The following SORCS2 variants were observed in gnomAD, a reference collection of about 807,000 sequenced individuals.
SORCS2 encodes the protein sortilin related VPS10 domain containing receptor 2.
SORCS2 carries 100 observed loss-of-function variants against 141.6 expected under a neutral mutation model. The observed-to-expected ratio is 0.71, with a 90% confidence interval of 0.60 to 0.83. The LOEUF (loss-of-function observed/expected upper bound fraction) is 0.83. Ranked by LOEUF, SORCS2 falls within the 40% of genes least tolerant of loss-of-function variation. The probability of loss-of-function intolerance (pLI) is 0.00; values close to 1 mark genes in which losing one functional copy is unlikely to be tolerated. For synonymous variants in SORCS2, 789 were observed against 676.9 expected (o/e 1.17, Z -2.57); for missense variants, 1,646 against 1,560.2 (o/e 1.05, Z -0.93).
intron 3 of SORCS2, among the ~76,000 whole-genome samples, chr4:7,558,255 A>G (rs912476698): frequency 2.0e-5 from 3 of 152,190 alleles, no homozygotes; most frequent in Non-Finnish European, 4.4e-5. Context: ...GGCACTGTTA[A>G]TATTTGGGGC....
chr4:7,650,757 C>CCAGCG (rs1721393323), intron 4 of SORCS2, among the ~76,000 whole-genome samples: 1 of 146,940 alleles, frequency 6.8e-6, no homozygotes, highest in East Asian at 2.0e-4. Context: ...CCAGCCCAGC[C>CCAGCG]CAGCCCAGCC....
chr4:7,233,608 C>T lies in SORCS2; in HGVS notation c.480+40482C>T, dbSNP rs1358708598. 6.6e-5 allele frequency among the ~76,000 whole-genome samples: 10 copies of T among 152,246 alleles called. No individual in the cohort carries two copies. The highest frequency in any genetic ancestry group is 3.4e-3 in the Middle Eastern group (1 of 294). Reference sequence around the variant, plus strand: ...ACTCAGGAATGAGGCTGGCGGTCACCGTGGAGTGCAGCGCTTCTCAGGTGG... The same window carrying T: ...ACTCAGGAATGAGGCTGGCGGTCACTGTGGAGTGCAGCGCTTCTCAGGTGG... On this transcript the variant is annotated intron_variant, in intron 1 of 26. Transcript: ENST00000507866. The surrounding 1 kb of genome is among the most constrained non-coding windows in gnomAD (Gnocchi z 4.5).
chr4:7,210,239 C>CCTCTGTGT (rs1273932855), intron 1 of SORCS2, among the ~76,000 whole-genome samples: 2 of 152,152 alleles, frequency 1.3e-5, no homozygotes, highest in Non-Finnish European at 2.9e-5. Flanking sequence ...CCACTCACTT[C>CCTCTGTGT]CTCTGTGTGC....
At chr4:7,264,224 C>G (rs1482685716) in intron 1 of SORCS2, among the ~76,000 whole-genome samples, 1 of 152,208 alleles carries the variant, frequency 6.6e-6, no homozygotes, top group East Asian at 1.9e-4. Flanking sequence ...TGTCAGTCAT[C>G]AGAGGGCAGG....
At chr4:7,721,952 A>AC in intron 18 of SORCS2, among the ~76,000 whole-genome samples, 1 of 152,184 alleles carries the variant, frequency 6.6e-6, no homozygotes, top group Non-Finnish European at 1.5e-5. Context: ...CCAGGATGTG[A>AC]ATGGAGGGTA....
intron 2 of SORCS2, among the ~76,000 whole-genome samples, chr4:7,424,879 C>T (rs1446158929): frequency 6.6e-6 from 1 of 152,232 alleles, no homozygotes; most frequent in Non-Finnish European, 1.5e-5. Context: ...GGACATTGGA[C>T]CACACAGTGC....
intron 1 of SORCS2, among the ~76,000 whole-genome samples, chr4:7,282,393 A>G (rs952168818): frequency 1.3e-5 from 2 of 152,242 alleles, no homozygotes; most frequent in East Asian, 1.9e-4. Flanking sequence ...CATGATTTCA[A>G]TGCATAAGCC....
chr4:7,386,613 C>G (rs1312090833), intron 1 of SORCS2, among the ~76,000 whole-genome samples: 1 of 148,682 alleles, frequency 6.7e-6, no homozygotes, highest in Non-Finnish European at 1.5e-5. Flanking sequence ...CACACATATG[C>G]CCACCATACA....
intron 1 of SORCS2, among the ~76,000 whole-genome samples, chr4:7,347,247 A>G (rs1720696013): frequency 1.3e-5 from 2 of 152,102 alleles, no homozygotes; most frequent in Admixed American, 6.5e-5. Context: ...TGCCAGTCCT[A>G]CTTTCTCTTT....
chr4:7,403,955 ATG>A (rs750036945), intron 2 of SORCS2, among the ~76,000 whole-genome samples: 37,587 of 83,440 alleles, frequency 0.45, 6,715 homozygotes, highest in African/African-American at 0.49. Flanking sequence ...CTCTGCCTCC[ATG>A]TGTGTATATA....
intron 3 of SORCS2, among the ~76,000 whole-genome samples, chr4:7,585,108 G>A (rs1034155427): frequency 2.0e-5 from 3 of 152,188 alleles, no homozygotes; most frequent in Admixed American, 6.5e-5. Context: ...GGTGAAGGGA[G>A]AAAAGATCTG....
At chr4:7,635,193 AGCTAAAATGCCCCATCCTGCGTGGGT>A (rs935019941) in intron 3 of SORCS2, among the ~76,000 whole-genome samples, 2 of 152,224 alleles carry the variant, frequency 1.3e-5, no homozygotes, top group African/African-American at 4.8e-5. Context: ...TGGGAGGCTC[AGCTAAAATGCCCCATCCTGCGTGGGT>A]GCATCCTGCA....
intron 3 of SORCS2, among the ~76,000 whole-genome samples, chr4:7,532,958 A>G (rs983730331): frequency 6.6e-6 from 1 of 151,934 alleles, no homozygotes; most frequent in African/African-American, 2.4e-5. Context: ...GCCTGCTGGA[A>G]GGCCATGTCT....
At chr4:7,630,374 C>T (rs917910631) in intron 3 of SORCS2, among the ~76,000 whole-genome samples, 1 of 152,166 alleles carries the variant, frequency 6.6e-6, no homozygotes, top group African/African-American at 2.4e-5. Context: ...AAGAAAGCAA[C>T]AAAAAGAATG....
At chr4:7,735,761 G>A (rs1712113355) in intron 25 of SORCS2, among the ~76,000 whole-genome samples, 2 of 152,196 alleles carry the variant, frequency 1.3e-5, no homozygotes, top group South Asian at 2.1e-4. Context: ...CCCAAAGCTG[G>A]TGCTGAGCAA....
At position 7,261,203 on chromosome 4, in the gene SORCS2, A is replaced by G. The variant is rs149240555; in HGVS notation, c.480+68077A>G. On this transcript the variant is annotated intron_variant, in intron 1 of 26. Coordinates refer to ENST00000507866, the MANE Select transcript of SORCS2 (RefSeq NM_020777.3). ...AATGTCAACAGCTCTGTCGTCTAAC[A>G]TTACATTTTGGCAGGCAGGCGTTTG... 6.1e-3 allele frequency among the ~76,000 whole-genome samples: 936 copies of G among 152,278 alleles called. 6 individuals are homozygous for G. The highest frequency in any genetic ancestry group is 0.022 in the African/African-American group (900 of 41,550).
At chr4:7,333,442 T>C (rs1325888073) in intron 1 of SORCS2, among the ~76,000 whole-genome samples, 1 of 152,148 alleles carries the variant, frequency 6.6e-6, no homozygotes, top group Admixed American at 6.5e-5. Flanking sequence ...TGCTCTGTTG[T>C]GGGGGTGTTT....
intron 19 of SORCS2, among the ~76,000 whole-genome samples, chr4:7,724,271 ATGGTGGTGGTGG>A (rs1205792946): frequency 7.9e-6 from 1 of 126,008 alleles, no homozygotes; most frequent in Admixed American, 7.6e-5. Context: ...GATGGTGATG[ATGGTGGTGGTGG>A]TGGTGGTGAT....
intron 2 of SORCS2, among the ~76,000 whole-genome samples, chr4:7,446,631 A>AGGG (rs1049159275): frequency 6.6e-6 from 1 of 151,946 alleles, no homozygotes; most frequent in Admixed American, 6.5e-5. Flanking sequence ...TGGGGTGATG[A>AGGG]GGGGTGGAAT....
Sources: gnomAD v4.1 joint callset for allele counts (sites outside exome capture counted in the v4.1 genomes callset) on GRCh38, gnomAD v4.1.1 for gene constraint, Gnocchi (gnomAD v3.1) non-coding constraint, MANE v1.5 for transcripts, NCBI Gene and HGNC (gene_info 2026-07-23, HGNC 2026-07-21) for gene names.